Variants in ATP4A observed in about 807,000 individuals in gnomAD.
ATP4A encodes potassium-transporting ATPase alpha chain 1.
A neutral mutation model predicts 112.1 loss-of-function variants in ATP4A; 73 were observed. The ratio of observed to expected loss-of-function variants is 0.65; its 90% CI spans 0.54 to 0.79. The LOEUF (loss-of-function observed/expected upper bound fraction) is 0.79, where lower values mean the gene tolerates loss of function less well. Among genes scored for constraint, ATP4A ranks in the 30% least tolerant of loss-of-function variants. The pLI, the probability that ATP4A is intolerant of heterozygous loss-of-function variation, is 0.00. For missense variants in ATP4A, 1,081 were observed against 1,425.9 expected (o/e 0.76, Z 3.90); for synonymous variants, 588 against 588.9 (o/e 1.00, Z 0.02).
In ATP4A at chr19:35,551,078, C is replaced by T; in HGVS notation, c.2919G>A (p.Gln973=). ...AGCACAGGAAGCAGCCGATGCAGAC[C>T]TGGAACACGATGGCGATCACCAGGA... The part of the protein sequence containing the change: ...NKILVIAIVF[Q]VCIGCFLCYC... The change falls in exon 20 of 22, where the codon CAG becomes CAA. Residue 973 remains glutamine, a synonymous_variant. Coordinates refer to ENST00000262623, the MANE Select transcript of ATP4A (RefSeq NM_000704.3). This position sits in a 1 kb window ranked among gnomAD's most constrained non-coding sequence, Gnocchi z 5.2. The T allele has an allele frequency of 6.2e-7, 1 of 1,613,166 alleles. No individual in the cohort carries two copies. The highest frequency in any genetic ancestry group is 8.5e-7 in the Non-Finnish European group (1 of 1,179,564).
chr19:35,559,769 C>T lies in ATP4A; in HGVS notation c.1056+36G>A. 1 of 1,606,114 alleles carries T rather than the reference C, an allele frequency of 6.2e-7. No homozygotes were observed. Among genetic ancestry groups the T allele is most frequent in the Non-Finnish European group, 8.5e-7 (1 of 1,175,442 alleles). On this transcript the variant is annotated intron_variant, in intron 7 of 21. Coordinates refer to ENST00000262623, the MANE Select transcript of ATP4A (RefSeq NM_000704.3). This position sits in a 1 kb window ranked among gnomAD's most constrained non-coding sequence, Gnocchi z 4.1. ...GAAAGAACAGATGGTTGAGCAGGCC[C>T]CTCAGCTCCCTGCATCCCCGCCTGC...
Position 35,550,731 on chromosome 19 carries a change from G to A in ATP4A, c.3080-88C>T. The A allele has an allele frequency of 1.2e-6, 2 of 1,608,190 alleles. No individual in the cohort carries two copies. The highest frequency in any genetic ancestry group is 2.2e-5 in the East Asian group (1 of 44,850). On this transcript the variant is annotated intron_variant, in intron 21 of 21. Coordinates refer to ENST00000262623, the MANE Select transcript of ATP4A (RefSeq NM_000704.3). This position sits in a 1 kb window ranked among gnomAD's most constrained non-coding sequence, Gnocchi z 4.1. ...CTCAGAGGTCAGTGCTGGTTGCTAT[G>A]GAGGGTCAAGGGCTTAGAGGCCAAG...
At position 35,558,312 on chromosome 19, in the gene ATP4A, C is replaced by T; in HGVS notation, c.1500+50G>A. 6.4e-7 allele frequency: 1 copy of T among 1,564,382 alleles called. No individual in the cohort carries two copies. Among genetic ancestry groups the T allele is most frequent in the South Asian group, 1.2e-5 (1 of 85,582 alleles). ...CCGCTGATGTGGGTGTGGCCTGGGG[C>T]GGGGCCCGAGGTGGGCGGGCCCAGG... On this transcript the variant is annotated intron_variant, in intron 10 of 21. Transcript: ENST00000262623. The surrounding 1 kb of genome is among the most constrained non-coding windows in gnomAD (Gnocchi z 5.1).
Position 35,557,675 on chromosome 19 carries a change from C to A in ATP4A, c.1673G>T (p.Gly558Val). 4.4e-6 allele frequency: 7 copies of A among 1,608,590 alleles called. No individual in the cohort carries two copies. The highest frequency in any genetic ancestry group is 5.9e-6 in the Non-Finnish European group (7 of 1,178,380). ...AFQTAYLSLG[G>V]LGERVLGFCQ... ...CTCACCGAGCACGCGTTCGCCCAGG[C>A]CTCCCAGGCTGAGGTAGGCGGTCTG... Residue 558 changes from glycine (G) to valine (V), a missense_variant, in exon 11 of 22, where the codon GGC becomes GTC. Physicochemically the swap from Gly to Val is moderately radical, Grantham distance 109 (BLOSUM62 -3). Coordinates refer to ENST00000262623, the MANE Select transcript of ATP4A (RefSeq NM_000704.3). This position sits in a 1 kb window ranked among gnomAD's most constrained non-coding sequence, Gnocchi z 4.4.
chr19:35,555,283 T>G lies in ATP4A; in HGVS notation c.2209A>C (p.Lys737Gln). Residue 737 changes from lysine (K) to glutamine (Q), a missense_variant, in exon 15 of 22, where the codon AAG becomes CAG. Lys to Gln is a moderately conservative substitution (Grantham distance 53). Coordinates refer to ENST00000262623, the MANE Select transcript of ATP4A (RefSeq NM_000704.3). This position sits in a 1 kb window ranked among gnomAD's most constrained non-coding sequence, Gnocchi z 6.6. ...GDGVNDSPAL[K>Q]KADIGVAMGI... is the part of the protein sequence containing the mutation. ...ATGGCTACTCCGATGTCTGCCTTCT[T>G]CAGAGCTGGGGAGTCATTCACACCA... The G allele has an allele frequency of 1.2e-6, 2 of 1,614,194 alleles. No homozygotes were observed. The highest frequency in any genetic ancestry group is 1.7e-6 in the Non-Finnish European group (2 of 1,180,026).
At chr19:35,553,230 CAG>C (rs1568313176) in intron 17 of ATP4A, 48 bp from the exon 18 acceptor site, 1 of 1,557,256 alleles carries the variant, frequency 6.4e-7, no homozygotes, top group South Asian at 1.2e-5. Context: ...GACACAGAGA[CAG>C]GGACACAGGA....
rs145425383 is a variant in ATP4A at position 35,562,545 on chromosome 19, C to T, written c.310G>A (p.Ala104Thr). 9.2e-5 allele frequency: 149 copies of T among 1,613,126 alleles called. No homozygotes were observed. The highest frequency in any genetic ancestry group is 1.2e-4 in the Non-Finnish European group (142 of 1,179,716). The change falls in exon 4 of 22, where the codon GCG (alanine) becomes ACG (threonine). Residue 104 changes from alanine to threonine, a missense_variant. This residue lies in a region of ATP4A where 850 missense variants were observed against 1,068.2 expected (regional missense o/e 0.80). Coordinates refer to ENST00000262623, the MANE Select transcript of ATP4A (RefSeq NM_000704.3). ...PRGTPEYVKF[A>T]RQLAGGLQCL... is the part of the protein sequence containing the mutation. ...TGCAGGCCCCCGGCCAGCTGCCTCG[C>T]GAACTTGACGTACTCTGGGGTGCCC...
chr19:35,555,290 T>G lies in ATP4A; in HGVS notation c.2202A>C (p.Pro734=). 1 of 1,614,150 alleles carries G rather than the reference T, an allele frequency of 6.2e-7. No individual in the cohort carries two copies. ...CTCCGATGTCTGCCTTCTTCAGAGC[T>G]GGGGAGTCATTCACACCATCCCCCG... ...AVTGDGVNDS[P]ALKKADIGVA... is the part of the protein sequence containing the mutation. The change falls in exon 15 of 22, where the codon CCA becomes CCC. Residue 734 remains proline (P), a synonymous_variant. Coordinates refer to ENST00000262623, the MANE Select transcript of ATP4A (RefSeq NM_000704.3). The surrounding 1 kb of genome is among the most constrained non-coding windows in gnomAD (Gnocchi z 6.6).
chr19:35,550,929 A>C lies in ATP4A; in HGVS notation c.2988-4T>G, dbSNP rs1487984717. 1 of 1,614,134 alleles carries C rather than the reference A, an allele frequency of 6.2e-7. No individual in the cohort carries two copies. On this transcript the variant is annotated splice_region_variant and splice_polypyrimidine_tract_variant and intron_variant, in intron 20 of 21. Transcript: ENST00000262623. This position sits in a 1 kb window ranked among gnomAD's most constrained non-coding sequence, Gnocchi z 4.1. ...GGGGACCAGCCACCACTGGAACCTG[A>C]AGGCACATGGCAAGGTGAAGGCCAT... is the stretch of plus-strand genomic sequence containing the variant.
Position 35,556,970 on chromosome 19 carries a change from G to A in ATP4A, c.1812C>T (p.Asp604=). Residue 604 remains aspartate (D), a synonymous_variant, in exon 12 of 22, where the codon GAC becomes GAT. Coordinates refer to ENST00000262623, the MANE Select transcript of ATP4A (RefSeq NM_000704.3). ...CATCAGGGACGGTGGCCCGGGGTGG[G>A]TCAATCATGGATACAAGTCCCGCAA... ...LCFAGLVSMI[D]PPRATVPDAV... The A allele has an allele frequency of 6.2e-7, 1 of 1,614,158 alleles. No homozygotes were observed. Among genetic ancestry groups the A allele is most frequent in the East Asian group, 2.2e-5 (1 of 44,876 alleles).
chr19:35,551,258 C>T lies in ATP4A; in HGVS notation c.2886-147G>A. 1 of 1,213,672 alleles carries T rather than the reference C, an allele frequency of 8.2e-7. No homozygotes were observed. The highest frequency in any genetic ancestry group is 1.2e-6 in the Non-Finnish European group (1 of 860,530). 75.2% of individuals were successfully genotyped at this position (1,213,672 alleles called of 1,614,324 possible). On this transcript the variant is annotated intron_variant, in intron 19 of 21. Transcript: ENST00000262623. The surrounding 1 kb of genome is among the most constrained non-coding windows in gnomAD (Gnocchi z 5.2). ...CTGGAGTGGCCCGGGCCTCTCAGCA[C>T]CACCCCTTTAGTGAAATGTGGAGGG...
Position 35,555,228 on chromosome 19 carries a change from T to G in ATP4A, c.2264A>C (p.Asn755Thr). 2.5e-6 allele frequency: 4 copies of G among 1,614,152 alleles called. No individual in the cohort carries two copies. The highest frequency in any genetic ancestry group is 2.5e-6 in the Non-Finnish European group (3 of 1,180,034). The change falls in exon 15 of 22, where the codon AAT (asparagine) becomes ACT (threonine). Residue 755 changes from asparagine to threonine, a missense_variant. Asn to Thr is a moderately conservative substitution (Grantham distance 65). This residue lies in a region of ATP4A where 850 missense variants were observed against 1,068.2 expected (regional missense o/e 0.80). Transcript: ENST00000262623. This position sits in a 1 kb window ranked among gnomAD's most constrained non-coding sequence, Gnocchi z 6.6. ...ATCCAGCAGGATCATGTCAGCTGCA[T>G]TTTTGGCAGCATCTGAGCCAGCGAT... is the stretch of plus-strand genomic sequence containing the variant. ...MGIAGSDAAK[N>T]AADMILLDDN...
rs768722481 is a variant in ATP4A at position 35,550,810 on chromosome 19, C to T, written c.3079+24G>A. The T allele has an allele frequency of 6.2e-7, 1 of 1,613,946 alleles. No homozygotes were observed. ...CTCAAACGTTTCAGTCCCCTGCCCC[C>T]AGGCTCCCAGTCTCCACACTCACTC... is the stretch of plus-strand genomic sequence containing the variant. On this transcript the variant is annotated intron_variant, in intron 21 of 21. Coordinates refer to ENST00000262623, the MANE Select transcript of ATP4A (RefSeq NM_000704.3). The surrounding 1 kb of genome is among the most constrained non-coding windows in gnomAD (Gnocchi z 4.1).
chr19:35,559,039 C>T lies in ATP4A; in HGVS notation c.1209G>A (p.Trp403Ter). ...CAGCTGTGTGGATGTGGTTGTCAAA[C>T]CACAGATGGGACACAGTCATGCGGT... Reference protein sequence around the residue: ...TQNRMTVSHLWFDNHIHTADT... With the variant: ...TQNRMTVSHL The change falls in exon 8 of 22, where the codon TGG (tryptophan) becomes TGA (stop). Residue 403 changes from tryptophan (W) to a stop codon, truncating the protein, a stop_gained. Transcript: ENST00000262623. LOFTEE classifies it high-confidence loss of function. The surrounding 1 kb of genome is among the most constrained non-coding windows in gnomAD (Gnocchi z 4.1). 6.2e-7 allele frequency: 1 copy of T among 1,614,226 alleles called. No individual in the cohort carries two copies. Among genetic ancestry groups the T allele is most frequent in the Admixed American group, 1.7e-5 (1 of 60,032 alleles).
Position 35,558,498 on chromosome 19 carries a change from T to G in ATP4A, c.1366-2A>C, listed in dbSNP as rs2071646577. The G allele has an allele frequency of 6.3e-7, 1 of 1,593,962 alleles. No homozygotes were observed. The highest frequency in any genetic ancestry group is 1.1e-5 in the South Asian group (1 of 87,980). On this transcript the variant is annotated splice_acceptor_variant, in intron 9 of 21. Coordinates refer to ENST00000262623, the MANE Select transcript of ATP4A (RefSeq NM_000704.3). LOFTEE classifies it high-confidence loss of function. This position sits in a 1 kb window ranked among gnomAD's most constrained non-coding sequence, Gnocchi z 5.1. ...CGATGCGTCTCCAATCACGATGCGC[T>G]GGGAGCGGGGACCGGTGTCAGGGGC... is the stretch of plus-strand genomic sequence containing the variant.
At position 35,555,012 on chromosome 19, in the gene ATP4A, C is replaced by T; in HGVS notation, c.2391G>A (p.Glu797=). 1 of 1,614,156 alleles carries T rather than the reference C, an allele frequency of 6.2e-7. No homozygotes were observed. Residue 797 remains glutamate, a synonymous_variant, in exon 16 of 22, where the codon GAG becomes GAA. Transcript: ENST00000262623. This position sits in a 1 kb window ranked among gnomAD's most constrained non-coding sequence, Gnocchi z 6.6. ...IAYTLTKNIP[E]LTPYLIYITV... is the part of the protein sequence containing the mutation. ...TGATGTAGATGAGGTAGGGTGTCAGCTCTGGGATGTTCTTGGTCAATGTGT... is the reference window on the plus strand; with the variant it reads ...TGATGTAGATGAGGTAGGGTGTCAGTTCTGGGATGTTCTTGGTCAATGTGT...
Position 35,562,455 on chromosome 19 carries a change from C to T in ATP4A, c.400G>A (p.Asp134Asn). Residue 134 changes from aspartate (D) to asparagine (N), a missense_variant, in exon 4 of 22, where the codon GAC (aspartate) becomes AAC (asparagine). Asp to Asn is a conservative substitution (Grantham distance 23, BLOSUM62 1). Around this residue, in one of 3 missense-constraint regions of ATP4A, gnomAD observed 850 missense variants for 1,068.2 expected, o/e 0.80. Transcript: ENST00000262623. ...IAFAIQASEG[D>N]LTTDDNLYLA... is the part of the protein sequence containing the mutation. ...CTCACATTGTCGTCGGTGGTGAGGT[C>T]CCCCTCACTAGCCTGGATGGCAAAG... is the stretch of plus-strand genomic sequence containing the variant. The T allele has an allele frequency of 6.2e-7, 1 of 1,614,008 alleles. No individual in the cohort carries two copies. Among genetic ancestry groups the T allele is most frequent in the Non-Finnish European group, 8.5e-7 (1 of 1,179,924 alleles).
In ATP4A at chr19:35,560,781, C is replaced by T; in HGVS notation, c.534+38G>A. 6.2e-7 allele frequency: 1 copy of T among 1,605,070 alleles called. No homozygotes were observed. The highest frequency in any genetic ancestry group is 1.3e-5 in the African/African-American group (1 of 74,788). On this transcript the variant is annotated intron_variant, in intron 5 of 21. Transcript: ENST00000262623. The surrounding 1 kb of genome is among the most constrained non-coding windows in gnomAD (Gnocchi z 5.1). Reference sequence around the variant, plus strand: ...GGAGGCTACAGGAGCAGTTTGGAGTCTCTGGGATCTGGAGTGGCTGGGTGC... The same window carrying T: ...GGAGGCTACAGGAGCAGTTTGGAGTTTCTGGGATCTGGAGTGGCTGGGTGC...
At chr19:35,554,773 G>A (rs1168656083) in intron 16 of ATP4A, 149 bp downstream of exon 16, 3 of 1,155,544 alleles carry the variant, frequency 2.6e-6, no homozygotes, top group South Asian at 1.5e-5. Context: ...TGCCACCCAT[G>A]TGTCCTGCAC....
Sources: allele counts gnomAD v4.1 joint callset, GRCh38; gene constraint gnomAD v4.1.1; regional missense constraint gnomAD v4.1.1; non-coding constraint Gnocchi (gnomAD v3.1); transcripts MANE v1.5; gene names NCBI Gene and HGNC (gene_info 2026-07-23, HGNC 2026-07-21).